ZMYND8: variants seen among roughly 807,000 people sequenced by gnomAD.
ZMYND8 encodes MYND-type zinc finger-containing chromatin reader ZMYND8.
ZMYND8 carries 37 observed loss-of-function variants against 140.8 expected under a neutral mutation model. The observed-to-expected ratio is 0.26, with a 90% confidence interval of 0.20 to 0.35. The LOEUF (loss-of-function observed/expected upper bound fraction) is 0.35. Ranked by LOEUF, ZMYND8 falls within the 10% of genes least tolerant of loss-of-function variation. The pLI is 1.00. For missense variants in ZMYND8, 1,068 were observed against 1,570.0 expected (o/e 0.68, Z 5.40); for synonymous variants, 592 against 597.1 (o/e 0.99, Z 0.12).
chr20:47,238,571 G>C lies in ZMYND8; in HGVS notation c.2665+187C>G, dbSNP rs1220785961. 3.4e-6 allele frequency: 4 copies of C among 1,166,700 alleles called. No homozygotes were observed. In the Admixed American group the frequency reaches 1.0e-4, roughly 30 times the overall value. 72.3% of individuals were successfully genotyped at this position (1,166,700 alleles called of 1,614,324 possible). A position where few individuals can be genotyped will look rare whatever the true frequency, so the allele number is the denominator to read the frequency against. ...AATGAACAAAAAAAACTTTTTGAAA[G>C]TAAAAAAGCAAGTAGCAAAACAATT... On this transcript the variant is annotated intron_variant, in intron 15 of 22. Coordinates refer to ENST00000471951, the MANE Select transcript of ZMYND8 (RefSeq NM_001281775.3).
At chr20:47,235,293 G>C (rs1317767117) in intron 16 of ZMYND8, among the ~76,000 whole-genome samples, 2 of 152,186 alleles carry the variant, frequency 1.3e-5, no homozygotes, top group Non-Finnish European at 2.9e-5. Flanking sequence ...TGACATTCTG[G>C]TGGTTATTAT....
chr20:47,351,388 A>T (rs2082767450), intron 1 of ZMYND8, among the ~76,000 whole-genome samples: 1 of 152,184 alleles, frequency 6.6e-6, no homozygotes. Context: ...TGACTTTTAA[A>T]GAAGAGTATC....
Position 47,212,702 on chromosome 20 carries a change from G to C in ZMYND8, c.3508C>G (p.Pro1170Ala), listed in dbSNP as rs760025335. 3.1e-6 allele frequency: 5 copies of C among 1,613,016 alleles called. 1 individual carries two copies. In the South Asian group the frequency reaches 4.4e-5, roughly 14 times the overall value. The change falls in exon 22 of 23, where the codon CCT becomes GCT. Residue 1170 changes from proline (P) to alanine (A), a missense_variant. Coordinates refer to ENST00000471951, the MANE Select transcript of ZMYND8 (RefSeq NM_001281775.3). ...TCTGTGGTGGTTGGGGCATAGGCAG[G>C]TTGCTTGTCACACCTTTTGCTAACT... ...GSVSKRCDKQ[P>A]AYAPTTTDHQ...
intron 21 of ZMYND8, among the ~76,000 whole-genome samples, chr20:47,219,616 G>A (rs1271178945): frequency 6.6e-6 from 1 of 151,884 alleles, no homozygotes; most frequent in Non-Finnish European, 1.5e-5. Flanking sequence ...CTTCCACCAG[G>A]AAGACACCTT....
chr20:47,352,424 G>C (rs2082865672), intron 1 of ZMYND8: 1 of 978,000 alleles, frequency 1.0e-6, no homozygotes, highest in Middle Eastern at 5.3e-4. Flanking sequence ...GACAATCCGA[G>C]TCTGCAGAGG....
chr20:47,245,493 G>A (rs561817388), intron 14 of ZMYND8, among the ~76,000 whole-genome samples: 16 of 152,216 alleles, frequency 1.1e-4, no homozygotes, highest in Admixed American at 6.5e-4. Flanking sequence ...TGATCCACCC[G>A]CCTCGGCCTC....
At chr20:47,312,078 G>C (rs566081211) in intron 2 of ZMYND8, among the ~76,000 whole-genome samples, 104 of 152,206 alleles carry the variant, frequency 6.8e-4, no homozygotes, top group African/African-American at 2.3e-3. Flanking sequence ...AAGACCATAG[G>C]GGGGATGGGG....
At chr20:47,316,256 A>C (rs1320838292) in intron 2 of ZMYND8, among the ~76,000 whole-genome samples, 1 of 150,380 alleles carries the variant, frequency 6.6e-6, no homozygotes, top group Non-Finnish European at 1.5e-5. Flanking sequence ...GCTTGAACCC[A>C]GGAGGCGGAG....
chr20:47,316,159 C>A (rs185062200), intron 2 of ZMYND8, among the ~76,000 whole-genome samples: 238 of 151,880 alleles, frequency 1.6e-3, no homozygotes, highest in South Asian at 2.9e-3. Context: ...GGTGAAACCC[C>A]GTCTCTACTA....
chr20:47,324,120 T>G (rs2080195086), intron 2 of ZMYND8, among the ~76,000 whole-genome samples: 2 of 148,734 alleles, frequency 1.3e-5, no homozygotes, highest in Non-Finnish European at 1.5e-5. Context: ...GAGAATCACT[T>G]GAACCCGGGA....
chr20:47,255,689 GTATATATA>G (rs367757125), intron 12 of ZMYND8, among the ~76,000 whole-genome samples: 2 of 103,180 alleles, frequency 1.9e-5, no homozygotes, highest in Non-Finnish European at 3.7e-5. Flanking sequence ...GTGTGTGTGT[GTATATATA>G]TATATATATA....
rs532703766 is a variant in ZMYND8 at position 47,275,401 on chromosome 20, C to T, written c.1480+913G>A. 6.0e-5 allele frequency among the ~76,000 whole-genome samples: 9 copies of T among 151,004 alleles called. No individual in the cohort carries two copies. In the East Asian group the frequency reaches 1.2e-3, roughly 20 times the overall value. On this transcript the variant is annotated intron_variant, in intron 11 of 22. Coordinates refer to ENST00000471951, the MANE Select transcript of ZMYND8 (RefSeq NM_001281775.3). ...CCCAGCTACTCGGGAGGCTGAGGAA[C>T]GACAATCACTTGAACCCAGGAGGTG...
Position 47,276,369 on chromosome 20 carries a change from C to A in ZMYND8, c.1425G>T (p.Thr475=), listed in dbSNP as rs201900667. The part of the protein sequence containing the change: ...DVEQDAEKKA[T]SSHFSASEES... ...CCTCGCTCGCACTGAAGTGGCTCGA[C>A]GTGGCCTTCTTCTCAGCATCCTGCT... The change falls in exon 11 of 23, where the codon ACG becomes ACT. Residue 475 remains threonine, a synonymous_variant. Coordinates refer to ENST00000471951, the MANE Select transcript of ZMYND8 (RefSeq NM_001281775.3). 3 of 1,603,184 alleles carry A rather than the reference C, an allele frequency of 1.9e-6. No homozygotes were observed. The African/African-American group carries it at 4.0e-5, about 21-fold the overall frequency.
At position 47,221,359 on chromosome 20, in the gene ZMYND8, G is replaced by A. The variant is rs763125468; in HGVS notation, c.3372C>T (p.Ser1124=). The A allele has an allele frequency of 3.7e-6, 6 of 1,614,196 alleles. No homozygotes were observed. The South Asian group carries it at 6.6e-5, about 18-fold the overall frequency. Residue 1124 remains serine (S), a synonymous_variant, in exon 20 of 23, where the codon TCC becomes TCT. Coordinates refer to ENST00000471951, the MANE Select transcript of ZMYND8 (RefSeq NM_001281775.3). ...QSAPSETASA[S]KEKETSAEKS... ...TCTCAGCTGACGTCTCCTTCTCTTTGGAGGCGCTGGCCGTTTCTGAAGGTG... is the reference window on the plus strand; with the variant it reads ...TCTCAGCTGACGTCTCCTTCTCTTTAGAGGCGCTGGCCGTTTCTGAAGGTG...
At chr20:47,334,651 C>T (rs2081251379) in intron 2 of ZMYND8, among the ~76,000 whole-genome samples, 1 of 150,538 alleles carries the variant, frequency 6.6e-6, no homozygotes, top group Non-Finnish European at 1.5e-5. Context: ...GCTCTGTCAC[C>T]CGGGCTGGAG....
At chr20:47,342,774 G>C (rs914246135) in intron 2 of ZMYND8, among the ~76,000 whole-genome samples, 2 of 150,602 alleles carry the variant, frequency 1.3e-5, no homozygotes, top group African/African-American at 4.9e-5. Context: ...CTTGAACTAG[G>C]AGGTGGAAGT....
intron 17 of ZMYND8, 99 bp from the exon 18 acceptor site, chr20:47,227,380 T>TTAG: frequency 8.8e-7 from 1 of 1,137,892 alleles, no homozygotes; most frequent in Non-Finnish European, 1.3e-6. Flanking sequence ...GGTATGGGAA[T>TTAG]CATGCTAACC....
At chr20:47,320,713 G>A (rs2079872904) in intron 2 of ZMYND8, 1 of 152,272 alleles carries the variant, frequency 6.6e-6, no homozygotes, top group South Asian at 2.1e-4. Flanking sequence ...GACAGAGCAA[G>A]ATGCCATCTC....
chr20:47,226,632 G>T (rs953509992), intron 18 of ZMYND8, among the ~76,000 whole-genome samples: 3 of 145,528 alleles, frequency 2.1e-5, no homozygotes, highest in African/African-American at 8.0e-5. Flanking sequence ...GAAAACTGGG[G>T]ATATGTCCAC....
Sources: allele counts gnomAD v4.1 joint callset (sites outside exome capture counted in the v4.1 genomes callset), GRCh38; gene constraint gnomAD v4.1.1; transcripts MANE v1.5; gene names NCBI Gene and HGNC (gene_info 2026-07-23, HGNC 2026-07-21).